Variants in GRID1 observed in about 807,000 individuals in gnomAD.
GRID1 encodes the protein glutamate receptor ionotropic, delta-1.
Under a neutral mutation model 98.0 loss-of-function variants are expected in GRID1, and 28 were observed. The observed-to-expected ratio is 0.29, with a 90% CI of 0.21 to 0.39. GRID1 has a LOEUF of 0.39. Among genes scored for constraint, GRID1 ranks in the 10% least tolerant of loss-of-function variants. GRID1 has a pLI of 1.00. For synonymous variants in GRID1, 553 were observed against 538.5 expected (o/e 1.03, Z -0.37); for missense variants, 1,111 against 1,340.5 (o/e 0.83, Z 2.67).
At chr10:85,861,706 G>A (rs1843165392) in intron 6 of GRID1, among the ~76,000 whole-genome samples, 1 of 152,238 alleles carries the variant, frequency 6.6e-6, no homozygotes, top group Non-Finnish European at 1.5e-5. Flanking sequence ...GTGTGCAGGG[G>A]AGGTGGGGAA....
chr10:85,772,688 T>C (rs369110416), intron 8 of GRID1, among the ~76,000 whole-genome samples: 2 of 152,102 alleles, frequency 1.3e-5, no homozygotes, highest in East Asian at 1.9e-4. Flanking sequence ...GAGAATACTA[T>C]AAACACCTCT....
chr10:85,735,554 C>T (rs113820657), intron 8 of GRID1, among the ~76,000 whole-genome samples: 218 of 152,254 alleles, frequency 1.4e-3, no homozygotes, highest in African/African-American at 5.0e-3. Flanking sequence ...ATTTGGGACT[C>T]TGTGGCCCTG....
intron 12 of GRID1, among the ~76,000 whole-genome samples, chr10:85,686,796 C>T (rs1273773735): frequency 6.6e-6 from 1 of 151,502 alleles, no homozygotes; most frequent in African/African-American, 2.4e-5. Context: ...ATTTTTTTCA[C>T]ATTAAAGTGT....
chr10:85,851,002 G>A (rs188099695), intron 8 of GRID1, among the ~76,000 whole-genome samples: 19 of 152,192 alleles, frequency 1.2e-4, no homozygotes, highest in Non-Finnish European at 2.2e-4. Context: ...CACCACCTTT[G>A]GAAACTTAAC....
intron 8 of GRID1, among the ~76,000 whole-genome samples, chr10:85,802,623 T>A (rs1475872612): frequency 6.6e-6 from 1 of 151,984 alleles, no homozygotes; most frequent in Non-Finnish European, 1.5e-5. Context: ...AAAATTAAAT[T>A]TTAATAGGAA....
intron 4 of GRID1, among the ~76,000 whole-genome samples, chr10:85,997,557 T>TA (rs1387642061): frequency 1.3e-5 from 2 of 152,070 alleles, no homozygotes; most frequent in South Asian, 2.1e-4. Flanking sequence ...TCCAAAGCAA[T>TA]ATTATAAAAA....
chr10:86,353,053 T>A (rs2132118041), intron 2 of GRID1, among the ~76,000 whole-genome samples: 1 of 152,278 alleles, frequency 6.6e-6, no homozygotes, highest in East Asian at 1.9e-4. Flanking sequence ...GCCAGGAACG[T>A]GCCCCAGGAG....
At chr10:85,604,700 C>T (rs1714333392) in intron 15 of GRID1, among the ~76,000 whole-genome samples, 1 of 152,210 alleles carries the variant, frequency 6.6e-6, no homozygotes, top group South Asian at 2.1e-4. Context: ...TTCCTAATTA[C>T]CTTACACCAT....
chr10:86,008,915 A>T (rs1270018603), intron 4 of GRID1, among the ~76,000 whole-genome samples: 1 of 152,168 alleles, frequency 6.6e-6, no homozygotes, highest in East Asian at 1.9e-4. Context: ...CAGCACAAAA[A>T]TGTTCATAAT....
intron 4 of GRID1, among the ~76,000 whole-genome samples, chr10:85,934,535 T>C (rs76765968): frequency 0.097 from 14,785 of 151,994 alleles, 872 homozygotes; most frequent in Non-Finnish European, 0.13. Context: ...GGCTATATTC[T>C]AAGAGTCTAG....
chr10:85,858,214 G>A (rs1843131916), intron 6 of GRID1, among the ~76,000 whole-genome samples: 1 of 152,228 alleles, frequency 6.6e-6, no homozygotes, highest in African/African-American at 2.4e-5. Context: ...TTCTGTAGGT[G>A]TAACAGGTAG....
chr10:85,621,224 C>T (rs73338986), intron 13 of GRID1, among the ~76,000 whole-genome samples: 3,117 of 152,234 alleles, frequency 0.02, 90 homozygotes, highest in African/African-American at 0.064. Flanking sequence ...CCCTTTGCCG[C>T]TTCTTTCCTT....
chr10:86,113,072 G>C (rs140266418), intron 4 of GRID1, among the ~76,000 whole-genome samples: 6 of 152,138 alleles, frequency 3.9e-5, no homozygotes, highest in Non-Finnish European at 1.5e-5. Context: ...GAGGCTTTAA[G>C]GGTCTTACTC....
chr10:85,730,061 C>T (rs74148743), intron 8 of GRID1, among the ~76,000 whole-genome samples: 9,101 of 152,294 alleles, frequency 0.06, 516 homozygotes, highest in African/African-American at 0.15. Flanking sequence ...AAGTAGCAAA[C>T]ACTCAAGTGT....
chr10:85,680,222 C>A (rs1451957391), intron 12 of GRID1, among the ~76,000 whole-genome samples: 2 of 152,186 alleles, frequency 1.3e-5, no homozygotes, highest in African/African-American at 4.8e-5. Flanking sequence ...CCTTTGCCCT[C>A]CTCCTCTTTC....
intron 2 of GRID1, among the ~76,000 whole-genome samples, chr10:86,256,179 C>T (rs932831912): frequency 1.3e-5 from 2 of 152,312 alleles, no homozygotes; most frequent in Non-Finnish European, 2.9e-5. Flanking sequence ...AGCTCCAACT[C>T]CTAGGAACTC....
At chr10:85,885,353 G>A (rs1841098140) in intron 5 of GRID1, among the ~76,000 whole-genome samples, 1 of 152,184 alleles carries the variant, frequency 6.6e-6, no homozygotes, top group South Asian at 2.1e-4. Flanking sequence ...TTCAGCCAGG[G>A]TATATGGCTG....
intron 4 of GRID1, among the ~76,000 whole-genome samples, chr10:85,942,938 C>A (rs72845579): frequency 0.034 from 5,105 of 152,298 alleles, 123 homozygotes; most frequent in South Asian, 0.11. Context: ...ATACTTTCTA[C>A]AATATTCTTA....
chr10:86,363,394 A>G (rs1255536416), intron 2 of GRID1, among the ~76,000 whole-genome samples: 1 of 152,180 alleles, frequency 6.6e-6, no homozygotes, highest in African/African-American at 2.4e-5. Context: ...AACCTGGTGG[A>G]GGAGCGCTGC....
Sources: gnomAD v4.1 joint callset for allele counts (sites outside exome capture counted in the v4.1 genomes callset) on GRCh38, gnomAD v4.1.1 for gene constraint, MANE v1.5 for transcripts, NCBI Gene and HGNC (gene_info 2026-07-23, HGNC 2026-07-21) for gene names.